Variants in SMOC2 observed in about 807,000 individuals in gnomAD.
The protein encoded by SMOC2 is SPARC related modular calcium binding 2.
Under a neutral mutation model 61.4 loss-of-function variants are expected in SMOC2, and 39 were observed. The ratio of observed to expected loss-of-function variants is 0.64; its 90% CI spans 0.49 to 0.83. SMOC2 has a LOEUF of 0.83. Among genes scored for constraint, SMOC2 ranks in the 40% least tolerant of loss-of-function variants. SMOC2 has a pLI of 0.00. For missense variants in SMOC2, 556 were observed against 592.9 expected (o/e 0.94, Z 0.65); for synonymous variants, 247 against 239.9 (o/e 1.03, Z -0.27).
intron 9 of SMOC2, among the ~76,000 whole-genome samples, chr6:168,647,088 T>C (rs1299744929): frequency 6.6e-6 from 1 of 152,180 alleles, no homozygotes; most frequent in Non-Finnish European, 1.5e-5. Context: ...GGAGTGTGTA[T>C]GGGGTAGCAC....
chr6:168,609,620 T>C (rs966207548), intron 9 of SMOC2, among the ~76,000 whole-genome samples: 1 of 152,294 alleles, frequency 6.6e-6, no homozygotes, highest in Admixed American at 6.5e-5. Flanking sequence ...GTGTCATCTC[T>C]TGTCTCTGAA....
chr6:168,560,586 T>C (rs1374219107), intron 7 of SMOC2, among the ~76,000 whole-genome samples: 29 of 85,614 alleles, frequency 3.4e-4, no homozygotes, highest in African/African-American at 1.6e-3. Flanking sequence ...TTGGAGGAGG[T>C]GTCATTTTCC....
intron 8 of SMOC2, among the ~76,000 whole-genome samples, chr6:168,607,653 T>G (rs1333575247): frequency 6.7e-6 from 1 of 149,030 alleles, no homozygotes; most frequent in East Asian, 2.1e-4. Flanking sequence ...TGAGTTGGCC[T>G]TTGGTGCTAC....
At chr6:168,663,270 G>A (rs1443167488) in intron 11 of SMOC2, among the ~76,000 whole-genome samples, 1 of 152,302 alleles carries the variant, frequency 6.6e-6, no homozygotes, top group Admixed American at 6.5e-5. Flanking sequence ...AGGAAGCTCC[G>A]CTGTGCAGAG....
chr6:168,455,602 A>G (rs994119205), intron 1 of SMOC2, among the ~76,000 whole-genome samples: 2 of 152,194 alleles, frequency 1.3e-5, no homozygotes, highest in African/African-American at 4.8e-5. Context: ...TCTTCACCTT[A>G]TAAAGGTTAC....
intron 9 of SMOC2, among the ~76,000 whole-genome samples, chr6:168,634,970 C>T (rs900152224): frequency 2.0e-5 from 3 of 152,204 alleles, no homozygotes; most frequent in Non-Finnish European, 2.9e-5. Flanking sequence ...TTTTCAGATG[C>T]TCATTTAAAC....
In SMOC2 at chr6:168,510,106, T is replaced by C. The variant is rs1381856159; in HGVS notation, c.256+20T>C. On this transcript the variant is annotated intron_variant, in intron 2 of 12. Transcript: ENST00000356284. ...GCAAAGGTAAGCTGCTGTTTGATCA[T>C]TCATCCAAAGATGGGTACATCCATC... 2 of 1,609,434 alleles carry C rather than the reference T, an allele frequency of 1.2e-6. No individual in the cohort carries two copies. The highest frequency in any genetic ancestry group is 1.7e-6 in the Non-Finnish European group (2 of 1,176,116).
At chr6:168,574,111 G>T (rs111593771) in intron 7 of SMOC2, among the ~76,000 whole-genome samples, 1 of 152,260 alleles carries the variant, frequency 6.6e-6, no homozygotes, top group Non-Finnish European at 1.5e-5. Flanking sequence ...TCCTGCAGCT[G>T]TCTTTTCCCT....
rs139928472 is a variant in SMOC2 at position 168,526,446 on chromosome 6, C to T, written c.357C>T (p.Tyr119=). Residue 119 remains tyrosine, a synonymous_variant, in exon 3 of 13, where the codon TAC becomes TAT. Coordinates refer to ENST00000356284, the MANE Select transcript of SMOC2 (RefSeq NM_001166412.2). ...FIPECNDDGT[Y]SQVQCHSYTG... is the part of the protein sequence containing the mutation. ...CTGAGTGCAATGACGACGGCACCTA[C>T]AGTCAGGTTACCGGCCTTGCTTGGG... is the stretch of plus-strand genomic sequence containing the variant. 3 of 1,613,766 alleles carry T rather than the reference C, an allele frequency of 1.9e-6. No individual in the cohort carries two copies. Among genetic ancestry groups the T allele is most frequent in the Admixed American group, 1.7e-5 (1 of 60,008 alleles).
intron 9 of SMOC2, among the ~76,000 whole-genome samples, chr6:168,615,389 A>C (rs1786048721): frequency 1.1e-5 from 1 of 88,434 alleles, no homozygotes; most frequent in Non-Finnish European, 2.3e-5. Context: ...TCACACCTAC[A>C]GCCAGCACAG....
At chr6:168,456,303 T>A (rs945596632) in intron 1 of SMOC2, among the ~76,000 whole-genome samples, 4 of 151,994 alleles carry the variant, frequency 2.6e-5, no homozygotes, top group African/African-American at 9.7e-5. Flanking sequence ...TCTGGGTTTT[T>A]GCAAGACTGA....
At chr6:168,563,766 C>T (rs1184053000) in intron 7 of SMOC2, among the ~76,000 whole-genome samples, 1 of 152,244 alleles carries the variant, frequency 6.6e-6, no homozygotes, top group Non-Finnish European at 1.5e-5. Flanking sequence ...TCTTGAGCTT[C>T]TAGCCTCTCA....
chr6:168,562,619 C>T (rs956965330), intron 7 of SMOC2, among the ~76,000 whole-genome samples: 21 of 152,120 alleles, frequency 1.4e-4, no homozygotes, highest in Non-Finnish European at 2.5e-4. Flanking sequence ...CTAGATGACC[C>T]GCCTGAGCTT....
At chr6:168,574,730 C>T (rs1043924605) in intron 7 of SMOC2, among the ~76,000 whole-genome samples, 12 of 152,094 alleles carry the variant, frequency 7.9e-5, no homozygotes, top group African/African-American at 2.2e-4. Context: ...CCGGACTCGG[C>T]GCTCTGTCCT....
chr6:168,660,801 T>C (rs1430374700), intron 11 of SMOC2, among the ~76,000 whole-genome samples: 1 of 152,238 alleles, frequency 6.6e-6, no homozygotes, highest in East Asian at 1.9e-4. Context: ...ATGGATGGGC[T>C]GGAGTTCTTA....
At chr6:168,617,914 A>T (rs1337943711) in intron 9 of SMOC2, among the ~76,000 whole-genome samples, 1 of 152,154 alleles carries the variant, frequency 6.6e-6, no homozygotes, top group African/African-American at 2.4e-5. Flanking sequence ...CGCCTCGCTG[A>T]GGGGCCATGC....
intron 7 of SMOC2, among the ~76,000 whole-genome samples, chr6:168,582,774 T>G (rs1487875125): frequency 6.6e-6 from 1 of 152,114 alleles, no homozygotes; most frequent in East Asian, 1.9e-4. Context: ...TGCCGGGAAC[T>G]CAGAGCTTAG....
chr6:168,604,214 C>G (rs1218239926), intron 8 of SMOC2, among the ~76,000 whole-genome samples: 1 of 152,208 alleles, frequency 6.6e-6, no homozygotes, highest in African/African-American at 2.4e-5. Flanking sequence ...GACACAGGAG[C>G]CCATCTCTTT....
At chr6:168,614,207 C>T (rs1785982333) in intron 9 of SMOC2, among the ~76,000 whole-genome samples, 1 of 80,090 alleles carries the variant, frequency 1.2e-5, no homozygotes, top group Non-Finnish European at 2.5e-5. Context: ...AGCACAGAGC[C>T]TCTTCACACC....
Sources: allele counts gnomAD v4.1 joint callset (sites outside exome capture counted in the v4.1 genomes callset), GRCh38; gene constraint gnomAD v4.1.1; transcripts MANE v1.5; gene names NCBI Gene and HGNC (gene_info 2026-07-23, HGNC 2026-07-21).